CYTIP: variants seen among roughly 807,000 people sequenced by gnomAD.
CYTIP encodes the protein cytohesin-interacting protein.
A neutral mutation model predicts 43.8 loss-of-function variants in CYTIP; 26 were observed. The observed-to-expected ratio is 0.59, with a 90% CI of 0.44 to 0.82. The LOEUF (loss-of-function observed/expected upper bound fraction) is 0.82, where lower values mean the gene tolerates loss of function less well. CYTIP is among the 40% of genes least tolerant of loss of function. The pLI is 0.00. For synonymous variants in CYTIP, 162 were observed against 162.9 expected (o/e 0.99, Z 0.04); for missense variants, 426 against 443.1 (o/e 0.96, Z 0.35).
At chr2:157,437,643 T>C (rs1308236315) in intron 1 of CYTIP, among the ~76,000 whole-genome samples, 1 of 141,408 alleles carries the variant, frequency 7.1e-6, no homozygotes, top group South Asian at 2.2e-4. Context: ...GAGGTTGCAG[T>C]GAGCTGAGAT....
Position 157,430,517 on chromosome 2 carries a change from CAT to C in CYTIP, c.476+40_476+41del, listed in dbSNP as rs890660596. ...TCACTCATCAGGCTTTATGAGAAAA[CAT>C]AACATTTTGAAGCCCCACGGGAACT... is the stretch of plus-strand genomic sequence containing the variant. On this transcript the variant is annotated intron_variant, in intron 5 of 7. Coordinates refer to ENST00000264192, the MANE Select transcript of CYTIP (RefSeq NM_004288.5). 4 of 1,542,468 alleles carry C rather than the reference CAT, an allele frequency of 2.6e-6. No individual in the cohort carries two copies. In the African/African-American group the frequency reaches 5.5e-5, roughly 21 times the overall value.
At chr2:157,421,434 A>G (rs1685520612) in intron 6 of CYTIP, among the ~76,000 whole-genome samples, 1 of 152,222 alleles carries the variant, frequency 6.6e-6, no homozygotes, top group Non-Finnish European at 1.5e-5. Context: ...TAGTACTTCA[A>G]TTGTGTTTTC....
Position 157,415,443 on chromosome 2 carries a change from T to G in CYTIP, c.*234A>C. On this transcript the variant is annotated 3_prime_UTR_variant, in exon 8 of 8. Coordinates refer to ENST00000264192, the MANE Select transcript of CYTIP (RefSeq NM_004288.5). ...GAATGAGCAGGAACCTGCATCTTTG[T>G]TATATTAATTAACTTATTATTTAGT... 2.3e-6 allele frequency: 1 copy of G among 439,640 alleles called. No homozygotes were observed. The highest frequency in any genetic ancestry group is 4.1e-6 in the Non-Finnish European group (1 of 243,210). 27.2% of individuals were successfully genotyped at this position (439,640 alleles called of 1,614,324 possible). A position where few individuals can be genotyped will look rare whatever the true frequency, so the allele number is the denominator to read the frequency against.
At chr2:157,433,550 T>C (rs1685746406) in intron 3 of CYTIP, among the ~76,000 whole-genome samples, 1 of 152,080 alleles carries the variant, frequency 6.6e-6, no homozygotes, top group Non-Finnish European at 1.5e-5. Context: ...AGTGTAAGAA[T>C]ATGATTATGC....
chr2:157,443,799 C>G, intron 1 of CYTIP, 48 bp downstream of exon 1: 1 of 1,580,908 alleles, frequency 6.3e-7, no homozygotes, highest in East Asian at 2.2e-5. Flanking sequence ...ATCACTCTGC[C>G]CTCAAGAGAA....
chr2:157,433,190 C>G (rs1217224971), intron 3 of CYTIP, among the ~76,000 whole-genome samples: 1 of 152,144 alleles, frequency 6.6e-6, no homozygotes, highest in Non-Finnish European at 1.5e-5. Flanking sequence ...TGACAAAAAG[C>G]AGTGTCTCTA....
At chr2:157,431,071 A>G (rs1287582861) in intron 3 of CYTIP, 109 bp from the exon 4 acceptor site, 1 of 833,080 alleles carries the variant, frequency 1.2e-6, no homozygotes, top group African/African-American at 1.7e-5. Flanking sequence ...GGTAAGTTCA[A>G]AGGACAAAGG....
intron 1 of CYTIP, chr2:157,438,917 G>T: frequency 2.4e-6 from 1 of 415,608 alleles, no homozygotes. Context: ...GCATCTATTA[G>T]GAACTTCAAG....
intron 3 of CYTIP, among the ~76,000 whole-genome samples, chr2:157,431,991 C>T (rs922090091): frequency 9.9e-5 from 15 of 152,160 alleles, no homozygotes; most frequent in African/African-American, 3.4e-4. Context: ...GTAGAAGGGA[C>T]TTTAAAAGAT....
Position 157,443,890 on chromosome 2 carries a change from AT to A in CYTIP, c.130del (p.Met44CysfsTer2). 6.2e-7 allele frequency: 1 copy of A among 1,614,132 alleles called. No homozygotes were observed. Among genetic ancestry groups the A allele is most frequent in the East Asian group, 2.2e-5 (1 of 44,888 alleles). ...LTMDDNRRIQ[M>X]LADTVATLPR... ...CAGAGTAGCCACCGTGTCTGCTAGC[AT>A]TTGAATCCTTCTATTATCGTCCATC... On this transcript the variant is annotated frameshift_variant, in exon 1 of 8. Transcript: ENST00000264192. LOFTEE classifies it high-confidence loss of function.
chr2:157,442,992 TA>T lies in CYTIP; in HGVS notation c.174+854del, dbSNP rs554969144. ...AAAAATCCTGAAGAGGTATTATGGT[TA>T]AAAAAAAATTTTTACATGTTAGAAA... is the stretch of plus-strand genomic sequence containing the variant. On this transcript the variant is annotated intron_variant, in intron 1 of 7. Transcript: ENST00000264192. Among the ~76,000 whole-genome samples, 81 of 151,918 alleles carry T rather than the reference TA, an allele frequency of 5.3e-4. 2 individuals carry two copies. In the South Asian group the frequency reaches 0.015, roughly 28 times the overall value.
At chr2:157,433,275 C>G (rs564467788) in intron 3 of CYTIP, among the ~76,000 whole-genome samples, 1 of 152,244 alleles carries the variant, frequency 6.6e-6, no homozygotes, top group East Asian at 1.9e-4. Flanking sequence ...ATAGATTTCA[C>G]CAGTTACTGT....
Position 157,416,086 on chromosome 2 carries a change from A to G in CYTIP, c.671T>C (p.Phe224Ser). 1 of 1,614,012 alleles carries G rather than the reference A, an allele frequency of 6.2e-7. No homozygotes were observed. The highest frequency in any genetic ancestry group is 8.5e-7 in the Non-Finnish European group (1 of 1,179,976). ...ENMDLDELSL[F>S]GPLPGPGPAL... ...TGGGCCTGGCCCAGGCAGGGGTCCA[A>G]ACAAAGACAATTCATCCAAGTCCAT... The change falls in exon 8 of 8, where the codon TTT becomes TCT. Residue 224 changes from phenylalanine (F) to serine (S), a missense_variant. By Grantham distance (155) the Phe-to-Ser change is radical. Coordinates refer to ENST00000264192, the MANE Select transcript of CYTIP (RefSeq NM_004288.5).
intron 2 of CYTIP, 109 bp from the exon 3 acceptor site, chr2:157,434,533 T>G: frequency 2.0e-6 from 2 of 1,017,616 alleles, no homozygotes; most frequent in Admixed American, 2.1e-5. Context: ...CTGACATTTA[T>G]GTAAATTGTA....
At chr2:157,417,306 A>G (rs1685453331) in intron 7 of CYTIP, among the ~76,000 whole-genome samples, 1 of 152,200 alleles carries the variant, frequency 6.6e-6, no homozygotes. Flanking sequence ...ATTGCCTTAT[A>G]GAATCACATG....
At chr2:157,424,568 G>A (rs1404370172) in intron 6 of CYTIP, among the ~76,000 whole-genome samples, 3 of 152,082 alleles carry the variant, frequency 2.0e-5, no homozygotes, top group Non-Finnish European at 4.4e-5. Context: ...GCTCAAGCCT[G>A]TAATCCCAGG....
intron 1 of CYTIP, 35 bp from the exon 2 acceptor site, chr2:157,434,782 G>A (rs777344021): frequency 6.5e-7 from 1 of 1,535,102 alleles, no homozygotes; most frequent in Non-Finnish European, 8.9e-7. Flanking sequence ...TTATCCCAGG[G>A]TCTTCAAGAT....
At chr2:157,431,838 T>C (rs917946920) in intron 3 of CYTIP, among the ~76,000 whole-genome samples, 9 of 152,188 alleles carry the variant, frequency 5.9e-5, no homozygotes, top group Non-Finnish European at 1.2e-4. Flanking sequence ...AATTGATGTC[T>C]GATGTTCATT....
At chr2:157,430,776 A>T in intron 4 of CYTIP, 84 bp downstream of exon 4, 1 of 1,472,680 alleles carries the variant, frequency 6.8e-7, no homozygotes, top group Non-Finnish European at 9.4e-7. Flanking sequence ...TCAAAGCAAC[A>T]AATACATCCT....
Sources: allele counts gnomAD v4.1 joint callset (sites outside exome capture counted in the v4.1 genomes callset), GRCh38; gene constraint gnomAD v4.1.1; transcripts MANE v1.5; gene names NCBI Gene and HGNC (gene_info 2026-07-23, HGNC 2026-07-21).